Variants in MALRD1 observed in about 807,000 individuals in gnomAD.
The protein encoded by MALRD1 is MAM and LDL-receptor class A domain-containing protein 1.
A neutral mutation model predicts 242.1 loss-of-function variants in MALRD1; 247 were observed. The ratio of observed to expected loss-of-function variants is 1.02; its 90% confidence interval spans 0.92 to 1.13. MALRD1 has a LOEUF of 1.13. MALRD1 is among the 50% of genes most tolerant of loss of function. The pLI is 0.00. For synonymous variants in MALRD1, 995 were observed against 866.6 expected, an observed-to-expected ratio of 1.15 and a Z score of -2.60; for missense variants, 2,989 against 2,533.1, an observed-to-expected ratio of 1.18 and a Z score of -3.86.
intron 28 of MALRD1, among the ~76,000 whole-genome samples, chr10:19,446,134 A>G (rs1229399074): frequency 2.0e-5 from 3 of 152,092 alleles, no homozygotes; most frequent in African/African-American, 7.2e-5. Context: ...AGACCATTGG[A>G]AAAGTGCAGT....
intron 36 of MALRD1, among the ~76,000 whole-genome samples, chr10:19,671,028 G>T (rs1002624996): frequency 6.6e-6 from 1 of 151,810 alleles, no homozygotes; most frequent in African/African-American, 2.4e-5. Context: ...ACAGGCACCC[G>T]CCACCACGCC....
At position 19,127,886 on chromosome 10, in the gene MALRD1, G is replaced by C. The variant is rs543296498; in HGVS notation, c.944-335G>C. On this transcript the variant is annotated intron_variant, in intron 7 of 39. Transcript: ENST00000454679. ...GAAATTCTTGATTAAAAAAAGGATT[G>C]AATTGTGATATTTAAAAGAAAATGG... 2.6e-5 allele frequency among the ~76,000 whole-genome samples: 4 copies of C among 152,210 alleles called. No homozygotes were observed. The South Asian group carries it at 8.3e-4, about 32-fold the overall frequency.
intron 27 of MALRD1, chr10:19,389,080 A>G: frequency 2.8e-6 from 1 of 352,406 alleles, no homozygotes; most frequent in South Asian, 2.2e-5. Flanking sequence ...CTAAATTTTT[A>G]AAAGCAGACC....
chr10:19,251,854 G>A (rs2131787205), intron 18 of MALRD1, among the ~76,000 whole-genome samples: 1 of 152,086 alleles, frequency 6.6e-6, no homozygotes, highest in Admixed American at 6.6e-5. Context: ...CTGTTTTCAT[G>A]ATGATGAGGG....
At chr10:19,626,983 T>C (rs887274552) in intron 36 of MALRD1, among the ~76,000 whole-genome samples, 5 of 152,100 alleles carry the variant, frequency 3.3e-5, no homozygotes, top group Admixed American at 6.6e-5. Context: ...ATAAATATTA[T>C]GAAGCTGGAA....
rs546542541 is a variant in MALRD1 at position 19,731,822 on chromosome 10, A to G, written c.6390+1041A>G. ...TCCTTATAAAATGAGTATTATAGAAAGCTAAAGTTTTAATTATTCTCTTTC... is the reference window on the plus strand; with the variant it reads ...TCCTTATAAAATGAGTATTATAGAAGGCTAAAGTTTTAATTATTCTCTTTC... On this transcript the variant is annotated intron_variant, in intron 39 of 39. Coordinates refer to ENST00000454679, the MANE Select transcript of MALRD1 (RefSeq NM_001142308.3). Among the ~76,000 whole-genome samples, 3 of 152,324 alleles carry G rather than the reference A, an allele frequency of 2.0e-5. No individual in the cohort carries two copies. In the South Asian group the frequency reaches 6.2e-4, roughly 32 times the overall value.
At chr10:19,320,343 A>G (rs1469873745) in intron 21 of MALRD1, among the ~76,000 whole-genome samples, 1 of 151,902 alleles carries the variant, frequency 6.6e-6, no homozygotes, top group Non-Finnish European at 1.5e-5. Flanking sequence ...TTCCTGTGTT[A>G]CTTTGCTGAG....
intron 1 of MALRD1, among the ~76,000 whole-genome samples, chr10:19,060,610 T>C (rs1158599883): frequency 6.6e-6 from 1 of 152,180 alleles, no homozygotes; most frequent in East Asian, 1.9e-4. Flanking sequence ...TGCCCTCTGT[T>C]ATTCAGACAT....
chr10:19,315,154 GAAATATGTAAATATAATTTATAT>G (rs1554830926), intron 21 of MALRD1, among the ~76,000 whole-genome samples: 17 of 113,010 alleles, frequency 1.5e-4, no homozygotes, highest in South Asian at 5.4e-4. Flanking sequence ...ATAATTTATA[GAAATATGTAAATATAATTTATAT>G]AAATATATAA....
chr10:19,469,448 A>C (rs10740902), intron 29 of MALRD1, among the ~76,000 whole-genome samples: 5 of 151,772 alleles, frequency 3.3e-5, no homozygotes, highest in Non-Finnish European at 5.9e-5. Context: ...ATAGTCACAC[A>C]ACAAAATTGT....
chr10:19,653,849 AT>A (rs1015661864), intron 36 of MALRD1, among the ~76,000 whole-genome samples: 1 of 152,016 alleles, frequency 6.6e-6, no homozygotes, highest in African/African-American at 2.4e-5. Flanking sequence ...TTTCTCCTCT[AT>A]TTTTTTGAGA....
At position 19,133,966 on chromosome 10, in the gene MALRD1, AAAG is replaced by A; in HGVS notation, c.1203+19_1203+21del. The A allele has an allele frequency of 8.4e-7, 1 of 1,189,526 alleles. No individual in the cohort carries two copies. The highest frequency in any genetic ancestry group is 1.1e-6 in the Non-Finnish European group (1 of 949,740). The allele number at this position is 1,189,526 out of a possible 1,614,324, so 73.7% of individuals were successfully genotyped here. A position where few individuals can be genotyped will look rare whatever the true frequency, so the allele number is the denominator to read the frequency against. On this transcript the variant is annotated intron_variant, in intron 9 of 39. Coordinates refer to ENST00000454679, the MANE Select transcript of MALRD1 (RefSeq NM_001142308.3). ...CATTTAAGGTATGAAAGAAAAAAAA[AAAG>A]TATTTTTTTATCATGGTTTAAGTTT...
At chr10:19,486,617 C>G (rs570787569) in intron 29 of MALRD1, among the ~76,000 whole-genome samples, 3 of 152,096 alleles carry the variant, frequency 2.0e-5, no homozygotes, top group Non-Finnish European at 4.4e-5. Flanking sequence ...CATGTGGTTA[C>G]ATGAAAAACA....
chr10:19,608,001 G>A (rs1040133016), intron 35 of MALRD1, 99 bp downstream of exon 35: 26 of 1,404,120 alleles, frequency 1.9e-5, no homozygotes, highest in Non-Finnish European at 2.4e-5. Flanking sequence ...ACAATGGCAA[G>A]CATGGAATAA....
intron 26 of MALRD1, among the ~76,000 whole-genome samples, chr10:19,359,186 A>T (rs1844779287): frequency 6.6e-6 from 1 of 152,152 alleles, no homozygotes; most frequent in African/African-American, 2.4e-5. Flanking sequence ...GTTCATTTTT[A>T]AAAATATTGG....
At chr10:19,541,850 A>G (rs1161806108) in intron 32 of MALRD1, among the ~76,000 whole-genome samples, 1 of 152,222 alleles carries the variant, frequency 6.6e-6, no homozygotes, top group East Asian at 1.9e-4. Flanking sequence ...AAAATGTGCT[A>G]TGTATCTTCC....
chr10:19,481,703 T>A (rs1330897079), intron 29 of MALRD1, among the ~76,000 whole-genome samples: 1 of 152,112 alleles, frequency 6.6e-6, no homozygotes, highest in Non-Finnish European at 1.5e-5. Flanking sequence ...TGGAATTTTA[T>A]AAATAAGGAA....
chr10:19,099,544 A>C (rs574405600), intron 4 of MALRD1, among the ~76,000 whole-genome samples: 1 of 152,070 alleles, frequency 6.6e-6, no homozygotes, highest in Non-Finnish European at 1.5e-5. Context: ...GAACTCCATG[A>C]TCTCTCCTAT....
chr10:19,225,679 C>T (rs777855932), intron 18 of MALRD1, among the ~76,000 whole-genome samples: 1 of 152,104 alleles, frequency 6.6e-6, no homozygotes, highest in Admixed American at 6.6e-5. Context: ...ACTATAACTT[C>T]ACCTAAAGTA....
Sources: gnomAD v4.1 joint callset for allele counts (sites outside exome capture counted in the v4.1 genomes callset) on GRCh38, gnomAD v4.1.1 for gene constraint, MANE v1.5 for transcripts, NCBI Gene and HGNC (gene_info 2026-07-23, HGNC 2026-07-21) for gene names.